The following APOL4 variants were observed in gnomAD, a reference collection of about 807,000 sequenced individuals.
APOL4 encodes the protein apolipoprotein L, 4.
A neutral mutation model predicts 12.1 loss-of-function variants in APOL4; 14 were observed. The observed-to-expected ratio is 1.16, with a 90% CI of 0.76 to 1.81. APOL4 has a LOEUF of 1.81. Among genes scored for constraint, APOL4 ranks in the 40% most tolerant of loss-of-function variants. The pLI is 0.00. For missense variants in APOL4, 432 were observed against 423.1 expected, an observed-to-expected ratio of 1.02 and a Z score of -0.18; for synonymous variants, 171 against 160.6, an observed-to-expected ratio of 1.06 and a Z score of -0.49.
At chr22:36,201,677 G>C (rs756205914) in intron 1 of APOL4, 23 bp downstream of exon 1, 2 of 1,596,448 alleles carry the variant, frequency 1.3e-6, no homozygotes, top group Non-Finnish European at 8.5e-7. Context: ...CAGGAGGGCA[G>C]AGAGCTGGGG....
rs1250837334 is a variant in APOL4, at chr22:36,199,728, CAT to C, written c.36-354_36-353del. On this transcript the variant is annotated intron_variant, in intron 1 of 3. Coordinates refer to ENST00000683024, the MANE Select transcript of APOL4 (RefSeq NM_001386885.1). ...GGAACGTTCTAACAATGACCGGAAACATGTGTGACAACTAATTGATGATAGCC... is the reference window on the plus strand; with the variant it reads ...GGAACGTTCTAACAATGACCGGAAACGTGTGACAACTAATTGATGATAGCC... 6.5e-5 allele frequency: 86 copies of C among 1,324,992 alleles called. 1 individual carries two copies. The South Asian group carries it at 8.8e-4, about 14-fold the overall frequency. The allele number at this position is 1,324,992 out of a possible 1,614,324, so 82.1% of individuals were successfully genotyped here.
chr22:36,195,074 C>T (rs1368969346), intron 3 of APOL4: 3 of 439,336 alleles, frequency 6.8e-6, no homozygotes, highest in African/African-American at 4.0e-5. Flanking sequence ...GCTCCCATCA[C>T]CAGTAGATGG....
upstream of APOL4, among the ~76,000 whole-genome samples, chr22:36,202,465 C>T (rs1020419819): frequency 6.6e-6 from 1 of 152,196 alleles, no homozygotes; most frequent in Non-Finnish European, 1.5e-5. Context: ...CGGTGGCTCA[C>T]GCCTGTAATC....
chr22:36,196,662 C>A (rs1458246052), intron 2 of APOL4, among the ~76,000 whole-genome samples: 1 of 152,144 alleles, frequency 6.6e-6, no homozygotes, highest in Non-Finnish European at 1.5e-5. Flanking sequence ...TATGTATGCA[C>A]TGGGACATGA....
intron 3 of APOL4, among the ~76,000 whole-genome samples, chr22:36,194,653 A>C (rs2014353029): frequency 6.6e-6 from 1 of 152,090 alleles, no homozygotes; most frequent in Non-Finnish European, 1.5e-5. Context: ...CAAGACATAA[A>C]CCAACAGCCC....
intron 1 of APOL4, 23 bp from the exon 2 acceptor site, chr22:36,199,399 G>A (rs973634841): frequency 3.1e-6 from 5 of 1,614,054 alleles, no homozygotes; most frequent in Non-Finnish European, 4.2e-6. Context: ...AAAACAAATT[G>A]TGGGATTGAA....
intron 3 of APOL4, among the ~76,000 whole-genome samples, chr22:36,194,674 C>T (rs995761747): frequency 6.6e-6 from 1 of 152,194 alleles, no homozygotes; most frequent in Non-Finnish European, 1.5e-5. Flanking sequence ...CAGAGCTGTG[C>T]AGGGACAGAG....
upstream of APOL4, chr22:36,204,823 C>T: frequency 4.7e-6 from 1 of 211,982 alleles, no homozygotes; most frequent in South Asian, 1.2e-4. Flanking sequence ...CACGCTGCTC[C>T]CCAGCACCTC....
Position 36,191,646 on chromosome 22 carries a change from G to A in APOL4, c.476C>T (p.Pro159Leu). The part of the protein sequence containing the change: ...ILSVIGVMLA[P>L]FTAGLSLSIT... ...GCTCAGGCTCAGCCCTGCTGTAAAT[G>A]GTGCCAACATAACGCCAATGACAGA... Residue 159 changes from proline to leucine, a missense_variant, in exon 4 of 4, where the codon CCA becomes CTA. Coordinates refer to ENST00000683024, the MANE Select transcript of APOL4 (RefSeq NM_001386885.1). The A allele has an allele frequency of 6.2e-7, 1 of 1,613,916 alleles. No individual in the cohort carries two copies.
Position 36,190,310 on chromosome 22 carries a change from G to T in APOL4, c.*765C>A, listed in dbSNP as rs575512630. ...GGCGAGATCACAGGAACACAGGACC[G>T]GGGAGAAATTAAAATTGCTAATGAG... On this transcript the variant is annotated 3_prime_UTR_variant, in exon 4 of 4. Transcript: ENST00000683024. The T allele has an allele frequency of 3.3e-5, 5 of 152,218 alleles. No individual in the cohort carries two copies. Among genetic ancestry groups the T allele is most frequent in the African/African-American group, 1.2e-4 (5 of 41,426 alleles). The allele number at this position is 152,218 out of a possible 1,614,324, so 9.4% of individuals were successfully genotyped here.
chr22:36,200,482 G>A (rs1603478577), intron 1 of APOL4, among the ~76,000 whole-genome samples: 1 of 152,268 alleles, frequency 6.6e-6, no homozygotes, highest in South Asian at 2.1e-4. Flanking sequence ...GCCAGATGCC[G>A]GCCTAGCCCC....
rs1310267990 is a variant in APOL4, at chr22:36,191,050, C to A, written c.*25G>T. 3 of 1,554,806 alleles carry A rather than the reference C, an allele frequency of 1.9e-6. No homozygotes were observed. Among genetic ancestry groups the A allele is most frequent in the Non-Finnish European group, 2.6e-6 (3 of 1,147,696 alleles). ...TTCAGCCAGTCCCTCCGTTTGGGGT[C>A]CCTGACTTCCCGCAACAATTGGGCC... On this transcript the variant is annotated 3_prime_UTR_variant, in exon 4 of 4. Coordinates refer to ENST00000683024, the MANE Select transcript of APOL4 (RefSeq NM_001386885.1).
intron 2 of APOL4, among the ~76,000 whole-genome samples, chr22:36,196,931 C>T (rs2014426793): frequency 1.3e-5 from 2 of 152,182 alleles, no homozygotes; most frequent in Non-Finnish European, 2.9e-5. Flanking sequence ...ATTCCTCCTG[C>T]TGGTCATGGG....
intron 2 of APOL4, among the ~76,000 whole-genome samples, chr22:36,198,691 T>A (rs2014482810): frequency 6.6e-6 from 1 of 152,124 alleles, no homozygotes. Context: ...CAGGTACCCA[T>A]GTAATGTTTG....
Position 36,192,079 on chromosome 22 carries a change from G to T in APOL4, c.210-167C>A, listed in dbSNP as rs2014272829. ...TTCAAGGCCGGGCGCGGTGGCTCATGCTTGTAATCCCAGCACTTTGGGAGG... is the reference window on the plus strand; with the variant it reads ...TTCAAGGCCGGGCGCGGTGGCTCATTCTTGTAATCCCAGCACTTTGGGAGG... On this transcript the variant is annotated intron_variant, in intron 3 of 3. Transcript: ENST00000683024. Among the ~76,000 whole-genome samples, 5 of 152,228 alleles carry T rather than the reference G, an allele frequency of 3.3e-5. 1 individual carries two copies. The highest frequency in any genetic ancestry group is 2.6e-4 in the Admixed American group (4 of 15,280).
At chr22:36,197,694 G>A in intron 2 of APOL4, 2 of 1,550,530 alleles carry the variant, frequency 1.3e-6, no homozygotes, top group Non-Finnish European at 1.7e-6. Context: ...CCAGCTGACA[G>A]AGGGCCATGC....
At chr22:36,191,954 T>C (rs759953527) in intron 3 of APOL4, 42 bp from the exon 4 acceptor site, 1 of 1,489,428 alleles carries the variant, frequency 6.7e-7, no homozygotes, top group Non-Finnish European at 9.0e-7. Flanking sequence ...GGCAGCTTAC[T>C]TACCTGTAAA....
At position 36,197,793 on chromosome 22, in the gene APOL4, A is replaced by T. The variant is rs1256280973; in HGVS notation, c.82+1537T>A. 12 of 1,550,096 alleles carry T rather than the reference A, an allele frequency of 7.7e-6. No homozygotes were observed. The East Asian group carries it at 2.7e-4, about 35-fold the overall frequency. On this transcript the variant is annotated intron_variant, in intron 2 of 3. Coordinates refer to ENST00000683024, the MANE Select transcript of APOL4 (RefSeq NM_001386885.1). ...GGACACAGAAGGAGCTGCTGTAACC[A>T]GCTGTAGGGACAGGGGGAGGGGATG...
At chr22:36,200,518 C>T (rs935076504) in intron 1 of APOL4, among the ~76,000 whole-genome samples, 8 of 152,342 alleles carry the variant, frequency 5.3e-5, no homozygotes, top group South Asian at 2.1e-4. Flanking sequence ...GCCCTCCTGG[C>T]GCTGCCCTGT....
Sources: allele counts gnomAD v4.1 joint callset (sites outside exome capture counted in the v4.1 genomes callset), GRCh38; gene constraint gnomAD v4.1.1; transcripts MANE v1.5; gene names NCBI Gene and HGNC (gene_info 2026-07-23, HGNC 2026-07-21).